The following SLC4A4 variants were observed in gnomAD, a reference collection of about 807,000 sequenced individuals.
SLC4A4 encodes electrogenic sodium bicarbonate cotransporter 1.
SLC4A4 carries 27 observed loss-of-function variants against 111.5 expected under a neutral mutation model. The ratio of observed to expected loss-of-function variants is 0.24; its 90% CI spans 0.18 to 0.33. The LOEUF (loss-of-function observed/expected upper bound fraction) is 0.33. SLC4A4 is among the 10% of genes least tolerant of loss of function. The pLI, the probability that SLC4A4 is intolerant of heterozygous loss-of-function variation, is 1.00. For synonymous variants in SLC4A4, 443 were observed against 463.4 expected (o/e 0.96, Z 0.57); for missense variants, 909 against 1,315.5 (o/e 0.69, Z 4.78).
At chr4:71,460,417 C>T (rs1007519057) in intron 12 of SLC4A4, among the ~76,000 whole-genome samples, 1 of 152,132 alleles carries the variant, frequency 6.6e-6, no homozygotes, top group African/African-American at 2.4e-5. Flanking sequence ...CTTGCTCATC[C>T]AGCCTATTAG....
At chr4:71,103,674 G>A (rs145259217) in intron 2 of SLC4A4, among the ~76,000 whole-genome samples, 2,620 of 152,048 alleles carry the variant, frequency 0.017, 85 homozygotes, top group African/African-American at 0.06. Context: ...AATGACTACC[G>A]GATACATAAC....
intron 3 of SLC4A4, 131 bp downstream of exon 3, chr4:71,255,530 G>A: frequency 1.0e-6 from 1 of 991,840 alleles, no homozygotes; most frequent in African/African-American, 1.6e-5. Context: ...CTGTTCTAAA[G>A]GATAATGTCT....
In SLC4A4 at chr4:71,433,971, A is replaced by G. The variant is rs192390752; in HGVS notation, c.808-6645A>G. Among the ~76,000 whole-genome samples, 5 of 152,176 alleles carry G rather than the reference A, an allele frequency of 3.3e-5. No homozygotes were observed. The East Asian group carries it at 7.7e-4, about 23-fold the overall frequency. ...CTCAAAAGCATAATGTTGAATTAGAAAAGCAAGGTAAAGTATGATGCATTG... is the reference window on the plus strand; with the variant it reads ...CTCAAAAGCATAATGTTGAATTAGAGAAGCAAGGTAAAGTATGATGCATTG... On this transcript the variant is annotated intron_variant, in intron 7 of 25. Transcript: ENST00000264485.
intron 1 of SLC4A4, among the ~76,000 whole-genome samples, chr4:71,200,648 C>T (rs1746207341): frequency 6.6e-6 from 1 of 152,106 alleles, no homozygotes; most frequent in Admixed American, 6.5e-5. Context: ...TATTGACTGG[C>T]CATTGGCCAT....
chr4:71,566,961 C>G, intron 24 of SLC4A4, 43 bp from the exon 25 acceptor site: 1 of 1,525,784 alleles, frequency 6.6e-7, no homozygotes, highest in Non-Finnish European at 9.1e-7. Context: ...TATACTTCAC[C>G]AAAGATCTAC....
At chr4:71,335,738 T>A (rs1036220905) in intron 3 of SLC4A4, among the ~76,000 whole-genome samples, 1 of 151,828 alleles carries the variant, frequency 6.6e-6, no homozygotes, top group Non-Finnish European at 1.5e-5. Context: ...GGCAGGAGAA[T>A]GGTGTGAACC....
rs576174503 is a variant in SLC4A4 at position 71,193,952 on chromosome 4, G to A, written c.-2+6551G>A. ...TGTAAAGATGATAGTCTGGATCTTCGAAACTTTATCCCTAAAAAATAAAAA... is the reference window on the plus strand; with the variant it reads ...TGTAAAGATGATAGTCTGGATCTTCAAAACTTTATCCCTAAAAAATAAAAA... On this transcript the variant is annotated intron_variant, in intron 1 of 25. Coordinates refer to ENST00000264485, the MANE Select transcript of SLC4A4 (RefSeq NM_001098484.3). 3.3e-5 allele frequency among the ~76,000 whole-genome samples: 5 copies of A among 152,130 alleles called. No individual in the cohort carries two copies. The South Asian group carries it at 1.0e-3, about 32-fold the overall frequency.
chr4:71,288,934 G>A (rs1400656272), intron 3 of SLC4A4, among the ~76,000 whole-genome samples: 1 of 151,882 alleles, frequency 6.6e-6, no homozygotes, highest in East Asian at 1.9e-4. Flanking sequence ...CATAACCTTT[G>A]TATCTTTCAG....
chr4:71,142,946 TTTATTA>T (rs199649590), intron 2 of SLC4A4, among the ~76,000 whole-genome samples: 2 of 151,274 alleles, frequency 1.3e-5, no homozygotes, highest in South Asian at 4.2e-4. Context: ...TTCTTTCCTT[TTTATTA>T]TTATTATTAT....
chr4:71,464,017 A>G (rs1484725554), intron 12 of SLC4A4, among the ~76,000 whole-genome samples: 3 of 152,192 alleles, frequency 2.0e-5, no homozygotes, highest in Admixed American at 1.3e-4. Context: ...ATGTTGTAGT[A>G]TATCTGCCTA....
chr4:71,323,299 C>T (rs985974022), intron 3 of SLC4A4, among the ~76,000 whole-genome samples: 9 of 151,816 alleles, frequency 5.9e-5, no homozygotes, highest in Admixed American at 1.3e-4. Flanking sequence ...AGTGTATGTC[C>T]TTCTGGTGGT....
chr4:71,080,203 T>C (rs1295659713), intron 1 of SLC4A4, among the ~76,000 whole-genome samples: 1 of 152,098 alleles, frequency 6.6e-6, no homozygotes, highest in Non-Finnish European at 1.5e-5. Flanking sequence ...GATCTGTCAC[T>C]GCGACGCTAT....
At chr4:71,275,029 A>G (rs1450797480) in intron 3 of SLC4A4, among the ~76,000 whole-genome samples, 2 of 152,052 alleles carry the variant, frequency 1.3e-5, no homozygotes, top group Non-Finnish European at 2.9e-5. Flanking sequence ...CTTGTCTTTC[A>G]TTGATTCCTT....
intron 3 of SLC4A4, among the ~76,000 whole-genome samples, chr4:71,302,151 G>A (rs916342530): frequency 3.3e-5 from 5 of 152,130 alleles, no homozygotes; most frequent in Non-Finnish European, 2.9e-5. Flanking sequence ...TGGAAATAGA[G>A]ATGATTTTTT....
At chr4:71,081,243 G>A (rs1420359846) in intron 1 of SLC4A4, among the ~76,000 whole-genome samples, 1 of 152,026 alleles carries the variant, frequency 6.6e-6, no homozygotes, top group Admixed American at 6.5e-5. Context: ...CTTTGTGGAA[G>A]TTCCTTTCCT....
At chr4:71,311,943 G>C (rs985896535) in intron 3 of SLC4A4, among the ~76,000 whole-genome samples, 3 of 149,116 alleles carry the variant, frequency 2.0e-5, no homozygotes, top group African/African-American at 7.4e-5. Flanking sequence ...GAAGGAGATA[G>C]AGACACGAAA....
chr4:71,230,620 A>C (rs1719353690), intron 1 of SLC4A4, among the ~76,000 whole-genome samples: 1 of 152,158 alleles, frequency 6.6e-6, no homozygotes, highest in Admixed American at 6.5e-5. Flanking sequence ...AGTGATATTA[A>C]ACTCTGGTAT....
At chr4:71,304,823 CTT>C (rs768093337) in intron 3 of SLC4A4, among the ~76,000 whole-genome samples, 1 of 152,160 alleles carries the variant, frequency 6.6e-6, no homozygotes, top group African/African-American at 2.4e-5. Flanking sequence ...TTAGAGGAGT[CTT>C]AATCTATAGC....
chr4:71,437,257 C>G lies in SLC4A4; in HGVS notation c.808-3359C>G, dbSNP rs1304739386. 6.1e-5 allele frequency: 22 copies of G among 362,486 alleles called. No homozygotes were observed. In the East Asian group the frequency reaches 1.5e-3, roughly 25 times the overall value. The allele number at this position is 362,486 out of a possible 1,614,324, so 22.5% of individuals were successfully genotyped here. On this transcript the variant is annotated intron_variant, in intron 7 of 25. Transcript: ENST00000264485. Reference sequence around the variant, plus strand: ...TTCAGAGTGGATATCAAGCCTTTGCCCAGTGAAGAAACGGAAATGGGGAGT... The same window carrying G: ...TTCAGAGTGGATATCAAGCCTTTGCGCAGTGAAGAAACGGAAATGGGGAGT...
Sources: allele counts gnomAD v4.1 joint callset (sites outside exome capture counted in the v4.1 genomes callset), GRCh38; gene constraint gnomAD v4.1.1; transcripts MANE v1.5; gene names NCBI Gene and HGNC (gene_info 2026-07-23, HGNC 2026-07-21).